NKAIN3: variants seen among roughly 807,000 people sequenced by gnomAD.
NKAIN3 encodes the protein sodium/potassium-transporting ATPase subunit beta-1-interacting protein 3.
A neutral mutation model predicts 30.2 loss-of-function variants in NKAIN3; 25 were observed. The ratio of observed to expected loss-of-function variants is 0.83; its 90% CI spans 0.60 to 1.16. The LOEUF is 1.16. Among genes scored for constraint, NKAIN3 ranks in the 50% most tolerant of loss-of-function variants. NKAIN3 has a pLI of 0.00. For synonymous variants in NKAIN3, 91 were observed against 89.6 expected, an observed-to-expected ratio of 1.02 and a Z score of -0.09; for missense variants, 225 against 254.1, an observed-to-expected ratio of 0.89 and a Z score of 0.78.
At chr8:62,935,371 T>C (rs1237219714) in intron 5 of NKAIN3, among the ~76,000 whole-genome samples, 1 of 152,188 alleles carries the variant, frequency 6.6e-6, no homozygotes, top group Non-Finnish European at 1.5e-5. Flanking sequence ...GCTTGTTGTT[T>C]ACTGCATGCT....
chr8:62,321,250 GT>G (rs1554666935), intron 1 of NKAIN3, among the ~76,000 whole-genome samples: 1 of 152,026 alleles, frequency 6.6e-6, no homozygotes, highest in Non-Finnish European at 1.5e-5. Context: ...TTTTTTCAAA[GT>G]TTTTAACTTC....
At chr8:62,556,386 T>C (rs1242578090) in intron 1 of NKAIN3, among the ~76,000 whole-genome samples, 1 of 151,264 alleles carries the variant, frequency 6.6e-6, no homozygotes, top group African/African-American at 2.4e-5. Flanking sequence ...AAAAAACTGA[T>C]CAACTCAAAA....
chr8:62,827,143 G>C (rs956734043), intron 4 of NKAIN3, among the ~76,000 whole-genome samples: 2 of 152,176 alleles, frequency 1.3e-5, no homozygotes, highest in Non-Finnish European at 2.9e-5. Flanking sequence ...GGCATGTGAT[G>C]GTTTCTGACA....
chr8:62,279,868 G>A (rs1206169929), intron 1 of NKAIN3, among the ~76,000 whole-genome samples: 2 of 152,082 alleles, frequency 1.3e-5, no homozygotes, highest in Non-Finnish European at 2.9e-5. Context: ...CTCTTTTTTG[G>A]TTCCATATGA....
At chr8:62,838,208 A>G (rs946503540) in intron 4 of NKAIN3, among the ~76,000 whole-genome samples, 2 of 151,560 alleles carry the variant, frequency 1.3e-5, no homozygotes, top group African/African-American at 4.8e-5. Context: ...TTCCTATGAT[A>G]GGATTCCTTT....
At chr8:62,639,955 T>C (rs1563495545) in intron 3 of NKAIN3, among the ~76,000 whole-genome samples, 1 of 152,160 alleles carries the variant, frequency 6.6e-6, no homozygotes, top group Non-Finnish European at 1.5e-5. Context: ...GTAGGACTTC[T>C]AAGCTTTACC....
intron 1 of NKAIN3, among the ~76,000 whole-genome samples, chr8:62,472,640 G>C (rs1396313945): frequency 6.6e-6 from 1 of 152,138 alleles, no homozygotes; most frequent in Admixed American, 6.5e-5. Flanking sequence ...AAATGCCATT[G>C]ATGCTGCCAC....
chr8:62,741,339 T>C (rs879918764), intron 3 of NKAIN3, among the ~76,000 whole-genome samples: 1 of 133,062 alleles, frequency 7.5e-6, no homozygotes, highest in Admixed American at 7.6e-5. Flanking sequence ...AAAGAATGAG[T>C]GAGAGAGAAG....
chr8:62,641,261 T>G (rs1341884835), intron 3 of NKAIN3, among the ~76,000 whole-genome samples: 1 of 152,148 alleles, frequency 6.6e-6, no homozygotes. Context: ...ACAGAAAGCT[T>G]TGAAAAATAA....
In NKAIN3 at chr8:62,978,498, C is replaced by A. The variant is rs925100706; in HGVS notation, c.*13091C>A. On this transcript the variant is annotated 3_prime_UTR_variant, in exon 7 of 7. Coordinates refer to ENST00000623646, the MANE Select transcript of NKAIN3 (RefSeq NM_001304533.3). ...GCTCCACTCAGACTGAACTTCCTGG[C>A]AGCTTTGTTTACACTGTGAGGGGAA... 2 of 152,304 alleles carry A rather than the reference C, an allele frequency of 1.3e-5. No homozygotes were observed. The highest frequency in any genetic ancestry group is 2.4e-5 in the African/African-American group (1 of 41,458). The allele number at this position is 152,304 out of a possible 1,614,324, so 9.4% of individuals were successfully genotyped here.
chr8:62,332,169 A>T (rs755322305), intron 1 of NKAIN3, among the ~76,000 whole-genome samples: 3 of 152,178 alleles, frequency 2.0e-5, no homozygotes, highest in Non-Finnish European at 4.4e-5. Flanking sequence ...CAGAAATAAG[A>T]TAATGTTTCT....
At chr8:62,333,449 G>A (rs1461362724) in intron 1 of NKAIN3, among the ~76,000 whole-genome samples, 3 of 152,036 alleles carry the variant, frequency 2.0e-5, no homozygotes, top group African/African-American at 4.8e-5. Flanking sequence ...TCTGCATTTT[G>A]TGTAGGTGTA....
At chr8:62,435,326 G>T (rs1165495003) in intron 1 of NKAIN3, among the ~76,000 whole-genome samples, 2 of 152,020 alleles carry the variant, frequency 1.3e-5, no homozygotes, top group Admixed American at 1.3e-4. Context: ...ACACCTGAAG[G>T]TTATGGACAC....
At chr8:62,636,751 CA>C (rs1312497242) in intron 3 of NKAIN3, among the ~76,000 whole-genome samples, 10 of 152,062 alleles carry the variant, frequency 6.6e-5, no homozygotes, top group Non-Finnish European at 1.0e-4. Flanking sequence ...TTGTAAACAA[CA>C]AAAAATCATG....
At chr8:62,948,000 C>T (rs1055792779) in intron 5 of NKAIN3, among the ~76,000 whole-genome samples, 4 of 152,160 alleles carry the variant, frequency 2.6e-5, no homozygotes, top group African/African-American at 9.7e-5. Flanking sequence ...TGGTTGGGTG[C>T]TATATAGCAA....
rs1446588814 is a variant in NKAIN3, at chr8:62,651,776, G to A, written c.273+61982G>A. Among the ~76,000 whole-genome samples, 4 of 152,244 alleles carry A rather than the reference G, an allele frequency of 2.6e-5. No homozygotes were observed. In the East Asian group the frequency reaches 5.8e-4, roughly 22 times the overall value. ...AATGGTTTCACACCATCCCCTTGGT[G>A]ATAAGCAAGTTCTCACTCAGTTCAC... On this transcript the variant is annotated intron_variant, in intron 3 of 6. Coordinates refer to ENST00000623646, the MANE Select transcript of NKAIN3 (RefSeq NM_001304533.3).
chr8:62,863,112 C>T, intron 4 of NKAIN3: 1 of 1,359,684 alleles, frequency 7.4e-7, no homozygotes. Flanking sequence ...CCCCATCCTG[C>T]TCATTGGAAG....
chr8:62,840,584 T>A (rs965961099), intron 4 of NKAIN3, among the ~76,000 whole-genome samples: 1 of 152,108 alleles, frequency 6.6e-6, no homozygotes, highest in Non-Finnish European at 1.5e-5. Context: ...ATATCTATGC[T>A]GTATTAATGC....
At chr8:62,555,557 A>G (rs1336128646) in intron 1 of NKAIN3, among the ~76,000 whole-genome samples, 1 of 152,082 alleles carries the variant, frequency 6.6e-6, no homozygotes, top group African/African-American at 2.4e-5. Context: ...TTTAGAAAGT[A>G]TAGGCAATTA....
Sources: allele counts gnomAD v4.1 joint callset (sites outside exome capture counted in the v4.1 genomes callset), GRCh38; gene constraint gnomAD v4.1.1; transcripts MANE v1.5; gene names NCBI Gene and HGNC (gene_info 2026-07-23, HGNC 2026-07-21).